MNAT1: variants seen among roughly 807,000 people sequenced by gnomAD.
The protein encoded by MNAT1 is MNAT1 component of CDK activating kinase.
A neutral mutation model predicts 42.0 loss-of-function variants in MNAT1; 43 were observed. The ratio of observed to expected loss-of-function variants is 1.02; its 90% confidence interval spans 0.80 to 1.32. The LOEUF is 1.32. MNAT1 is among the 40% of genes most tolerant of loss of function. The pLI is 0.00. For missense variants in MNAT1, 306 were observed against 350.4 expected, an observed-to-expected ratio of 0.87 and a Z score of 1.01; for synonymous variants, 118 against 120.0, an observed-to-expected ratio of 0.98 and a Z score of 0.11.
intron 2 of MNAT1, among the ~76,000 whole-genome samples, chr14:60,796,605 ACCTACTAT>A (rs966739613): frequency 2.6e-5 from 4 of 152,294 alleles, no homozygotes; most frequent in Admixed American, 2.0e-4. Flanking sequence ...TGTATTGAGT[ACCTACTAT>A]GTATTGAGTA....
chr14:60,852,383 T>G (rs997600134), intron 6 of MNAT1, among the ~76,000 whole-genome samples: 8 of 152,238 alleles, frequency 5.3e-5, no homozygotes, highest in African/African-American at 1.7e-4. Flanking sequence ...GGGTTTTTTT[T>G]GTTGTTGTTG....
intron 7 of MNAT1, among the ~76,000 whole-genome samples, chr14:60,930,172 C>T (rs1027415982): frequency 5.3e-5 from 8 of 150,042 alleles, no homozygotes; most frequent in South Asian, 2.1e-4. Flanking sequence ...TATCCTCCTT[C>T]GAGATCTTTA....
chr14:60,892,535 A>AT (rs1475845022), intron 7 of MNAT1, among the ~76,000 whole-genome samples: 1 of 151,946 alleles, frequency 6.6e-6, no homozygotes, highest in Admixed American at 6.6e-5. Context: ...GGTTTTATTT[A>AT]TTTTTTATGT....
At chr14:60,758,327 T>C (rs913396854) in intron 1 of MNAT1, among the ~76,000 whole-genome samples, 2 of 151,884 alleles carry the variant, frequency 1.3e-5, no homozygotes, top group Non-Finnish European at 2.9e-5. Flanking sequence ...CATGTCAGCC[T>C]CCTCAGTAGC....
intron 7 of MNAT1, among the ~76,000 whole-genome samples, chr14:60,898,650 G>T (rs1293065191): frequency 1.3e-5 from 2 of 151,940 alleles, no homozygotes; most frequent in Non-Finnish European, 2.9e-5. Context: ...GTATATTCTA[G>T]ATGTTAGGTC....
chr14:60,888,576 T>C (rs1337105511), intron 7 of MNAT1, among the ~76,000 whole-genome samples: 1 of 151,262 alleles, frequency 6.6e-6, no homozygotes. Flanking sequence ...CTATTCAACA[T>C]AGTGTTGGAA....
chr14:60,870,765 GAAT>G (rs1282419810), intron 6 of MNAT1, among the ~76,000 whole-genome samples: 1 of 151,994 alleles, frequency 6.6e-6, no homozygotes, highest in East Asian at 1.9e-4. Flanking sequence ...CTTACCATAA[GAAT>G]TACTTATTTA....
chr14:60,847,421 G>A lies in MNAT1; in HGVS notation c.687+28574G>A, dbSNP rs1393779930. On this transcript the variant is annotated intron_variant, in intron 6 of 7. Transcript: ENST00000261245. ...AACGTCTCAAAAAAAAAAAAAAAAA[G>A]ACTTGTTTTATTTTAGTACAGCTAC... is the stretch of plus-strand genomic sequence containing the variant. Among the ~76,000 whole-genome samples, 8 of 148,040 alleles carry A rather than the reference G, an allele frequency of 5.4e-5. No homozygotes were observed. The East Asian group carries it at 1.2e-3, about 22-fold the overall frequency.
chr14:60,757,169 A>AAACATAACACAGAGT (rs1380195834), intron 1 of MNAT1, among the ~76,000 whole-genome samples: 9 of 152,160 alleles, frequency 5.9e-5, no homozygotes, highest in Admixed American at 1.3e-4. Flanking sequence ...TCCTGTTTAA[A>AAACATAACACAGAGT]ACTAACGGTG....
intron 1 of MNAT1, among the ~76,000 whole-genome samples, chr14:60,768,928 C>G (rs2140305541): frequency 6.6e-6 from 1 of 152,268 alleles, no homozygotes; most frequent in African/African-American, 2.4e-5. Context: ...AAAAGTTACC[C>G]TACTCCTAAG....
chr14:60,926,490 GT>G (rs1364322768), intron 7 of MNAT1, among the ~76,000 whole-genome samples: 4 of 152,200 alleles, frequency 2.6e-5, no homozygotes, highest in African/African-American at 9.6e-5. Context: ...CCATTCGTCA[GT>G]TTTGATTAAT....
At chr14:60,868,620 A>T (rs2034256030) in intron 6 of MNAT1, among the ~76,000 whole-genome samples, 1 of 152,154 alleles carries the variant, frequency 6.6e-6, no homozygotes, top group South Asian at 2.1e-4. Flanking sequence ...CCCTGAGGGC[A>T]GGGGCTTGAT....
At chr14:60,934,450 G>A (rs146385824) in intron 7 of MNAT1, among the ~76,000 whole-genome samples, 340 of 152,208 alleles carry the variant, frequency 2.2e-3, no homozygotes, top group Non-Finnish European at 3.7e-3. Flanking sequence ...TCCATGTGTC[G>A]TGGGAGGGAC....
Position 60,812,068 on chromosome 14 carries a change from G to T in MNAT1, c.502G>T (p.Glu168Ter). 6.2e-7 allele frequency: 1 copy of T among 1,603,052 alleles called. No individual in the cohort carries two copies. Among genetic ancestry groups the T allele is most frequent in the Non-Finnish European group, 8.5e-7 (1 of 1,175,686 alleles). Residue 168 changes from glutamate (E) to a stop codon, truncating the protein, a stop_gained, in exon 5 of 8, where the codon GAA becomes TAA. Coordinates refer to ENST00000261245, the MANE Select transcript of MNAT1 (RefSeq NM_002431.4). LOFTEE classifies it high-confidence loss of function. ...NEQRRLFIQK[E>*]EQLQQILKRK... ...ACAAAGAAGATTATTTATACAAAAA[G>T]AAGAACAACTGCAGCAGATTCTAAA... is the stretch of plus-strand genomic sequence containing the variant.
chr14:60,949,529 T>A (rs1336372204), intron 7 of MNAT1, among the ~76,000 whole-genome samples: 1 of 152,194 alleles, frequency 6.6e-6, no homozygotes, highest in African/African-American at 2.4e-5. Flanking sequence ...GTATTTTTAT[T>A]TAAAATATTA....
At chr14:60,936,816 G>A (rs986991264) in intron 7 of MNAT1, among the ~76,000 whole-genome samples, 2 of 152,150 alleles carry the variant, frequency 1.3e-5, no homozygotes, top group Non-Finnish European at 2.9e-5. Context: ...CTTCCACAGT[G>A]GTTGAACTAG....
At chr14:60,804,406 G>C (rs1040439960) in intron 3 of MNAT1, among the ~76,000 whole-genome samples, 1 of 151,962 alleles carries the variant, frequency 6.6e-6, no homozygotes, top group African/African-American at 2.4e-5. Context: ...GAAGAGACTT[G>C]TATTATCTGA....
At chr14:60,771,950 G>T (rs2031076089) in intron 1 of MNAT1, among the ~76,000 whole-genome samples, 1 of 152,144 alleles carries the variant, frequency 6.6e-6, no homozygotes, top group Admixed American at 6.5e-5. Context: ...CTGAATAATA[G>T]GAGTTTTCTG....
At chr14:60,963,751 A>G (rs2036636730) in intron 7 of MNAT1, among the ~76,000 whole-genome samples, 1 of 152,228 alleles carries the variant, frequency 6.6e-6, no homozygotes, top group Non-Finnish European at 1.5e-5. Flanking sequence ...CTTAGTCTCT[A>G]GAGTTCACTA....
Sources: allele counts gnomAD v4.1 joint callset (sites outside exome capture counted in the v4.1 genomes callset), GRCh38; gene constraint gnomAD v4.1.1; transcripts MANE v1.5; gene names NCBI Gene and HGNC (gene_info 2026-07-23, HGNC 2026-07-21).